The following STXBP4 variants were observed in gnomAD, a reference collection of about 807,000 sequenced individuals.
STXBP4 encodes syntaxin-binding protein 4.
A neutral mutation model predicts 76.1 loss-of-function variants in STXBP4; 55 were observed. That is an observed-to-expected ratio of 0.72 (90% CI 0.58 to 0.91). STXBP4 has a LOEUF of 0.91. Ranked by LOEUF, STXBP4 falls within the 40% of genes least tolerant of loss-of-function variation. The pLI, the probability that STXBP4 is intolerant of heterozygous loss-of-function variation, is 0.00. For missense variants in STXBP4, 618 were observed against 636.9 expected (o/e 0.97, Z 0.32); for synonymous variants, 201 against 220.2 (o/e 0.91, Z 0.77).
At chr17:55,201,177 A>G in the STXBP4 span, among the ~76,000 whole-genome samples, 1 of 152,246 alleles carries the variant, frequency 6.6e-6, no homozygotes, top group South Asian at 2.1e-4. Context: ...CTGTGGCTGC[A>G]GAAACAGCCT....
At chr17:55,064,661 A>G (rs1484340202) in intron 12 of STXBP4, among the ~76,000 whole-genome samples, 1 of 151,810 alleles carries the variant, frequency 6.6e-6, no homozygotes, top group Non-Finnish European at 1.5e-5. Flanking sequence ...ACCCGCCACC[A>G]TGCCCGGCTA....
intron 1 of STXBP4, among the ~76,000 whole-genome samples, chr17:54,970,301 G>A (rs967321957): frequency 2.0e-5 from 3 of 152,112 alleles, no homozygotes; most frequent in Non-Finnish European, 4.4e-5. Flanking sequence ...TCACATTTTT[G>A]AAAAGATATT....
rs1377715405 is a variant in STXBP4 at position 55,168,146 on chromosome 17, G to A, written c.*8235G>A. On this transcript the variant is annotated 3_prime_UTR_variant, in exon 18 of 18. Coordinates refer to ENST00000376352, the MANE Select transcript of STXBP4 (RefSeq NM_178509.6). ...CTCTGATAAAAGTACTCGATATAAG[G>A]GAAATTTGAAGGAAATAGAATGCAT... 1 of 151,016 alleles carries A rather than the reference G, an allele frequency of 6.6e-6. No individual in the cohort carries two copies. Among genetic ancestry groups the A allele is most frequent in the Admixed American group, 6.6e-5 (1 of 15,206 alleles). The allele number at this position is 151,016 out of a possible 1,614,324, so 9.4% of individuals were successfully genotyped here. A position where few individuals can be genotyped will look rare whatever the true frequency, so the allele number is the denominator to read the frequency against.
At position 55,040,792 on chromosome 17, in the gene STXBP4, T is replaced by A. The variant is rs143847890; in HGVS notation, c.856-2444T>A. Among the ~76,000 whole-genome samples, 295 of 152,258 alleles carry A rather than the reference T, an allele frequency of 1.9e-3. 6 individuals carry two copies. Among genetic ancestry groups the A allele is most frequent in the Middle Eastern group, 3.4e-3 (1 of 294 alleles). On this transcript the variant is annotated intron_variant, in intron 10 of 17. Transcript: ENST00000376352. ...TTGCGAGAACCAGACAGGAAACAGATGTGGAAGGTTAAGGAATATAAATTT... is the reference window on the plus strand; with the variant it reads ...TTGCGAGAACCAGACAGGAAACAGAAGTGGAAGGTTAAGGAATATAAATTT...
At chr17:55,179,901 C>A in the STXBP4 span, among the ~76,000 whole-genome samples, 3 of 152,218 alleles carry the variant, frequency 2.0e-5, no homozygotes, top group East Asian at 5.8e-4. Context: ...GAGATTGGCA[C>A]CCCTAACACT....
At chr17:55,086,302 A>G (rs1179843767) in intron 16 of STXBP4, among the ~76,000 whole-genome samples, 1 of 152,160 alleles carries the variant, frequency 6.6e-6, no homozygotes, top group Non-Finnish European at 1.5e-5. Flanking sequence ...TGCATGGGGT[A>G]CATAGTGATA....
chr17:55,058,464 T>G (rs987206077), intron 12 of STXBP4, among the ~76,000 whole-genome samples: 2 of 152,192 alleles, frequency 1.3e-5, no homozygotes, highest in Non-Finnish European at 2.9e-5. Context: ...AACTTGTTTT[T>G]TATTATCTAC....
At chr17:55,032,289 T>C (rs1246165992) in intron 9 of STXBP4, among the ~76,000 whole-genome samples, 2 of 152,176 alleles carry the variant, frequency 1.3e-5, no homozygotes, top group East Asian at 1.9e-4. Flanking sequence ...GAAAAAAAGA[T>C]ATTTTTCATC....
chr17:55,047,193 T>C, intron 12 of STXBP4, 39 bp downstream of exon 12: 1 of 825,118 alleles, frequency 1.2e-6, no homozygotes, highest in Non-Finnish European at 1.8e-6. Flanking sequence ...CTCGTGTGTG[T>C]GTGTGTGTGT....
At chr17:55,055,336 A>G (rs1047582444) in intron 12 of STXBP4, among the ~76,000 whole-genome samples, 3 of 152,134 alleles carry the variant, frequency 2.0e-5, no homozygotes, top group Non-Finnish European at 2.9e-5. Flanking sequence ...GTCTCCACGT[A>G]TAATCTGACC....
the STXBP4 span, among the ~76,000 whole-genome samples, chr17:55,206,412 T>A: frequency 1.3e-5 from 2 of 152,188 alleles, no homozygotes; most frequent in Non-Finnish European, 2.9e-5. Context: ...CACATCCAAT[T>A]GAAAACTTCT....
At chr17:55,202,891 G>T in the STXBP4 span, among the ~76,000 whole-genome samples, 1 of 152,224 alleles carries the variant, frequency 6.6e-6, no homozygotes, top group African/African-American at 2.4e-5. Context: ...TAGTCTGGAG[G>T]ATGGGCATAA....
chr17:55,000,263 G>T (rs899387779), intron 6 of STXBP4: 3 of 985,186 alleles, frequency 3.0e-6, no homozygotes, highest in Non-Finnish European at 3.6e-6. Context: ...AATCTAAGAA[G>T]GTATTGCTCC....
intron 16 of STXBP4, among the ~76,000 whole-genome samples, chr17:55,121,280 A>G (rs1017418087): frequency 4.6e-5 from 7 of 152,210 alleles, no homozygotes; most frequent in African/African-American, 1.7e-4. Flanking sequence ...TCAAGAAAGC[A>G]TTTATAGAGA....
the STXBP4 span, among the ~76,000 whole-genome samples, chr17:55,200,680 T>C: frequency 6.6e-6 from 1 of 152,198 alleles, no homozygotes; most frequent in African/African-American, 2.4e-5. Flanking sequence ...TCTCCCTGTC[T>C]TGCAGTCACG....
At chr17:55,117,397 C>T (rs1451739935) in intron 16 of STXBP4, among the ~76,000 whole-genome samples, 3 of 151,592 alleles carry the variant, frequency 2.0e-5, no homozygotes, top group African/African-American at 7.3e-5. Flanking sequence ...ATTCAGGTTT[C>T]GATGATGACC....
At chr17:55,146,759 T>C (rs560198217) in intron 17 of STXBP4, among the ~76,000 whole-genome samples, 1 of 151,328 alleles carries the variant, frequency 6.6e-6, no homozygotes, top group Non-Finnish European at 1.5e-5. Context: ...GTGAGCTGGC[T>C]GGAGTATTTG....
the STXBP4 span, among the ~76,000 whole-genome samples, chr17:55,207,490 T>C: frequency 6.6e-6 from 1 of 152,210 alleles, no homozygotes; most frequent in African/African-American, 2.4e-5. Context: ...TAACTGGGCC[T>C]GAAACAGAGG....
chr17:55,108,573 C>T (rs777000585), intron 16 of STXBP4, among the ~76,000 whole-genome samples: 44 of 152,162 alleles, frequency 2.9e-4, no homozygotes, highest in African/African-American at 3.9e-4. Context: ...CTGTGGGTTG[C>T]GAAGACTGTG....
Sources: gnomAD v4.1 joint callset for allele counts (sites outside exome capture counted in the v4.1 genomes callset) on GRCh38, gnomAD v4.1.1 for gene constraint, MANE v1.5 for transcripts, NCBI Gene and HGNC (gene_info 2026-07-23, HGNC 2026-07-21) for gene names.